The following RB1CC1 variants were observed in gnomAD, a reference collection of about 807,000 sequenced individuals.
The protein encoded by RB1CC1 is RB1 inducible coiled-coil 1.
In RB1CC1, 46 loss-of-function variants were observed where a neutral mutation model predicts 177.5. That is an observed-to-expected ratio of 0.26 (90% CI 0.20 to 0.33). RB1CC1 has a LOEUF of 0.33. RB1CC1 is among the 10% of genes least tolerant of loss of function. RB1CC1 has a pLI of 1.00. For synonymous variants in RB1CC1, 666 were observed against 613.6 expected (o/e 1.09, Z -1.26); for missense variants, 1,703 against 1,816.3 (o/e 0.94, Z 1.13).
At chr8:52,671,958 T>C (rs1395089391) in intron 7 of RB1CC1, among the ~76,000 whole-genome samples, 1 of 152,150 alleles carries the variant, frequency 6.6e-6, no homozygotes, top group African/African-American at 2.4e-5. Context: ...CAAACAACAA[T>C]AACCAAATAC....
chr8:52,693,072 T>A (rs1855050664), intron 1 of RB1CC1, among the ~76,000 whole-genome samples: 1 of 152,344 alleles, frequency 6.6e-6, no homozygotes, highest in South Asian at 2.1e-4. Flanking sequence ...GCTAGCCATA[T>A]GCAGAAAACT....
intron 3 of RB1CC1, among the ~76,000 whole-genome samples, chr8:52,684,660 C>T (rs1424155550): frequency 2.0e-5 from 3 of 152,176 alleles, no homozygotes; most frequent in Admixed American, 6.5e-5. Context: ...CCTTAACAAA[C>T]AAAATAAACC....
At chr8:52,651,991 CAAAG>C (rs963393983) in intron 15 of RB1CC1, among the ~76,000 whole-genome samples, 13 of 152,196 alleles carry the variant, frequency 8.5e-5, no homozygotes, top group African/African-American at 3.1e-4. Flanking sequence ...GATTTAGTAA[CAAAG>C]AAGAATATCG....
Position 52,683,688 on chromosome 8 carries a change from T to A in RB1CC1, c.230A>T (p.Glu77Val), listed in dbSNP as rs749756602. 1 of 1,590,868 alleles carries A rather than the reference T, an allele frequency of 6.3e-7. No individual in the cohort carries two copies. Among genetic ancestry groups the A allele is most frequent in the Non-Finnish European group, 8.5e-7 (1 of 1,171,322 alleles). ...AGGTGGACGATCACATAAGATCATT[T>A]CTTTGTTAAAAAGAAAAATTGGATT... ...DTNPIFLFNK[E>V]MILCDRPPAI... The change falls in exon 5 of 24, where the codon GAA becomes GTA. Residue 77 changes from glutamate (E) to valine (V), a missense_variant. Transcript: ENST00000025008.
At chr8:52,706,904 T>C (rs1856612130) in intron 1 of RB1CC1, among the ~76,000 whole-genome samples, 1 of 152,034 alleles carries the variant, frequency 6.6e-6, no homozygotes, top group African/African-American at 2.4e-5. Flanking sequence ...CCAAGTGATC[T>C]GTCTGCCTCA....
At chr8:52,669,977 A>G (rs1182537634) in intron 7 of RB1CC1, among the ~76,000 whole-genome samples, 1 of 152,206 alleles carries the variant, frequency 6.6e-6, no homozygotes, top group East Asian at 1.9e-4. Context: ...TTTTTGAGCC[A>G]CGTTCTGGCT....
chr8:52,701,809 CTTTTTT>C (rs1170416136), intron 1 of RB1CC1, among the ~76,000 whole-genome samples: 1 of 148,970 alleles, frequency 6.7e-6, no homozygotes, highest in Non-Finnish European at 1.5e-5. Flanking sequence ...AAAAAAATCA[CTTTTTT>C]TTTTCTTTTG....
At chr8:52,640,954 A>C (rs569196753) in intron 18 of RB1CC1, among the ~76,000 whole-genome samples, 1 of 152,270 alleles carries the variant, frequency 6.6e-6, no homozygotes, top group Admixed American at 6.5e-5. Context: ...AAAGTTTCTC[A>C]AAGGTCAGGC....
intron 13 of RB1CC1, 123 bp from the exon 14 acceptor site, chr8:52,658,247 C>G (rs1344591478): frequency 2.7e-6 from 3 of 1,117,352 alleles, no homozygotes; most frequent in Non-Finnish European, 3.7e-6. Context: ...AAATTAATAC[C>G]AGAAGTATTT....
intron 1 of RB1CC1, among the ~76,000 whole-genome samples, chr8:52,695,046 G>A (rs1425453815): frequency 6.6e-6 from 1 of 152,128 alleles, no homozygotes; most frequent in African/African-American, 2.4e-5. Flanking sequence ...GCATGAGTAG[G>A]TTATCAAGTG....
In RB1CC1 at chr8:52,696,999, TCAAAACAAAAAACAAAA is replaced by T. The variant is rs1213322199; in HGVS notation, c.-166-10049_-166-10033del. Among the ~76,000 whole-genome samples the T allele has an allele frequency of 4.6e-5, 7 of 151,868 alleles. No individual in the cohort carries two copies. In the South Asian group the frequency reaches 1.2e-3, roughly 27 times the overall value. On this transcript the variant is annotated intron_variant, in intron 1 of 23. Transcript: ENST00000025008. ...GCCTGGGCAAGGGAGAGAGACCGTC[TCAAAACAAAAAACAAAA>T]CAAAACAAAAAAGATACGTATTTCA...
chr8:52,685,653 G>A, intron 2 of RB1CC1, 133 bp from the exon 3 acceptor site: 1 of 410,758 alleles, frequency 2.4e-6, no homozygotes. Flanking sequence ...GTCTAGGATG[G>A]CTAACTGGAT....
intron 15 of RB1CC1, among the ~76,000 whole-genome samples, chr8:52,655,277 G>C (rs1412954809): frequency 6.6e-6 from 1 of 152,120 alleles, no homozygotes; most frequent in Non-Finnish European, 1.5e-5. Flanking sequence ...GACACAGGTT[G>C]AAATATATAT....
At chr8:52,695,222 G>C (rs1228564693) in intron 1 of RB1CC1, among the ~76,000 whole-genome samples, 1 of 152,160 alleles carries the variant, frequency 6.6e-6, no homozygotes, top group Non-Finnish European at 1.5e-5. Flanking sequence ...GAAGTAAAAA[G>C]TACTTTAGAA....
At chr8:52,633,910 G>A (rs531731491) in intron 20 of RB1CC1, among the ~76,000 whole-genome samples, 5 of 152,176 alleles carry the variant, frequency 3.3e-5, no homozygotes, top group African/African-American at 1.2e-4. Context: ...ACAAGATGGT[G>A]AAACCCCATC....
At chr8:52,645,420 T>C (rs78474570) in intron 16 of RB1CC1, among the ~76,000 whole-genome samples, 4,827 of 152,290 alleles carry the variant, frequency 0.032, 297 homozygotes, top group African/African-American at 0.11. Context: ...GAACAGAATT[T>C]ACATTCCCTC....
intron 1 of RB1CC1, among the ~76,000 whole-genome samples, chr8:52,713,291 G>C (rs1857210009): frequency 6.6e-6 from 1 of 152,198 alleles, no homozygotes; most frequent in African/African-American, 2.4e-5. Context: ...ACTTTAAAGA[G>C]TCATGATGGA....
rs752515575 is a variant in RB1CC1, at chr8:52,683,582, A to G, written c.336T>C (p.Phe112=). Residue 112 remains phenylalanine (F), a synonymous_variant, in exon 5 of 24, where the codon TTT becomes TTC. Coordinates refer to ENST00000025008, the MANE Select transcript of RB1CC1 (RefSeq NM_014781.5). The stretch of plus-strand genomic sequence containing the variant: ...GCTGTGTCCTTGAAGCAACAGTATG[A>G]AAAACTGCAGGCATCATAAGAGATT... ...VEESLMMPAV[F]HTVASRTQLA... 5 of 1,599,818 alleles carry G rather than the reference A, an allele frequency of 3.1e-6. No homozygotes were observed. In the Admixed American group the frequency reaches 5.3e-5, roughly 17 times the overall value.
At chr8:52,691,656 GTGTATAGTCCTAAGAC>G (rs1018798133) in intron 1 of RB1CC1, among the ~76,000 whole-genome samples, 6 of 152,246 alleles carry the variant, frequency 3.9e-5, no homozygotes, top group African/African-American at 1.2e-4. Flanking sequence ...TTCATCCATT[GTGTATAGTCCTAAGAC>G]TGGCATCTTT....
Sources: allele counts gnomAD v4.1 joint callset (sites outside exome capture counted in the v4.1 genomes callset), GRCh38; gene constraint gnomAD v4.1.1; transcripts MANE v1.5; gene names NCBI Gene and HGNC (gene_info 2026-07-23, HGNC 2026-07-21).